ANK3: variants seen among roughly 807,000 people sequenced by gnomAD.
ANK3 encodes ankyrin-3.
In ANK3, 57 loss-of-function variants were observed where a neutral mutation model predicts 370.9. That is an observed-to-expected ratio of 0.15 (90% CI 0.12 to 0.19). The LOEUF is 0.19. Ranked by LOEUF, ANK3 falls within the 10% of genes least tolerant of loss-of-function variation. The pLI, the probability that ANK3 is intolerant of heterozygous loss-of-function variation, is 1.00. For synonymous variants in ANK3, 1,929 were observed against 1,946.3 expected (o/e 0.99, Z 0.23); for missense variants, 4,439 against 5,302.1 (o/e 0.84, Z 5.06).
Position 60,039,286 on chromosome 10 carries a change from C to G in ANK3, c.*19+3386G>C, listed in dbSNP as rs566085396. ...TTACACATGGCTGTGAGAACCTGAG[C>G]ATTTTCCTAGAGGAGGTTTAGAATA... On this transcript the variant is annotated intron_variant, in intron 43 of 43. Coordinates refer to ENST00000280772, the MANE Select transcript of ANK3 (RefSeq NM_020987.5). 5.4e-4 allele frequency among the ~76,000 whole-genome samples: 83 copies of G among 152,332 alleles called. 2 individuals carry two copies. The South Asian group carries it at 0.017, about 31-fold the overall frequency.
intron 2 of ANK3, among the ~76,000 whole-genome samples, chr10:60,411,735 G>A (rs2063564318): frequency 1.3e-5 from 2 of 152,166 alleles, no homozygotes; most frequent in Non-Finnish European, 2.9e-5. Context: ...AATAACCTTA[G>A]ATAAGTGACC....
intron 28 of ANK3, among the ~76,000 whole-genome samples, chr10:60,105,417 A>C (rs1051468106): frequency 1.3e-5 from 2 of 152,134 alleles, no homozygotes; most frequent in African/African-American, 4.8e-5. Context: ...AGACCCCAAT[A>C]ATTACCCTGA....
At chr10:60,237,836 A>T (rs2097357886) in intron 7 of ANK3, among the ~76,000 whole-genome samples, 1 of 152,194 alleles carries the variant, frequency 6.6e-6, no homozygotes, top group African/African-American at 2.4e-5. Context: ...TTACCCTCAC[A>T]GCAATCCACT....
chr10:60,282,936 A>G (rs1432510785), intron 1 of ANK3, among the ~76,000 whole-genome samples: 1 of 152,168 alleles, frequency 6.6e-6, no homozygotes, highest in Non-Finnish European at 1.5e-5. Context: ...CAGAAAAAGA[A>G]CCAATAAGTT....
rs2082329472 is a variant in ANK3 at position 60,069,679 on chromosome 10, C to T, written c.11202G>A (p.Lys3734=). Residue 3734 remains lysine (K), a synonymous_variant, in exon 37 of 44, where the codon AAG becomes AAA. Transcript: ENST00000280772. ...CTGTTATTTCTCCAGGGCCTTCTTT[C>T]TTCATGGTCATGGTGGATGCAGAAA... ...MGISASTMTM[K]KEGPGEITDK... 1.2e-6 allele frequency: 2 copies of T among 1,614,076 alleles called. No homozygotes were observed. Among genetic ancestry groups the T allele is most frequent in the Non-Finnish European group, 1.7e-6 (2 of 1,179,992 alleles).
chr10:60,679,817 T>G (rs1239437989), intron 1 of ANK3, among the ~76,000 whole-genome samples: 1 of 152,100 alleles, frequency 6.6e-6, no homozygotes, highest in Non-Finnish European at 1.5e-5. Flanking sequence ...CTAAAACTTT[T>G]AAATAAGCTT....
chr10:60,113,802 A>G (rs1354944606), intron 26 of ANK3, among the ~76,000 whole-genome samples: 1 of 152,258 alleles, frequency 6.6e-6, no homozygotes, highest in Non-Finnish European at 1.5e-5. Flanking sequence ...ATTAACAGGC[A>G]TACTTACATA....
intron 12 of ANK3, among the ~76,000 whole-genome samples, chr10:60,200,824 G>A (rs771949883): frequency 6.6e-6 from 1 of 152,154 alleles, no homozygotes; most frequent in Non-Finnish European, 1.5e-5. Context: ...GTCAACAGCC[G>A]GTTTGCATTT....
intron 2 of ANK3, among the ~76,000 whole-genome samples, chr10:60,429,281 T>G: frequency 6.6e-6 from 1 of 152,132 alleles, no homozygotes; most frequent in East Asian, 1.9e-4. Flanking sequence ...AAGCAGCCTA[T>G]CTTCCTTCCT....
intron 1 of ANK3, among the ~76,000 whole-genome samples, chr10:60,296,847 G>T (rs2042629617): frequency 6.6e-6 from 1 of 152,104 alleles, no homozygotes; most frequent in Non-Finnish European, 1.5e-5. Context: ...GGGTGTGGTG[G>T]TCTACACCTG....
chr10:60,492,875 G>A (rs2075555410), intron 2 of ANK3, among the ~76,000 whole-genome samples: 1 of 150,544 alleles, frequency 6.6e-6, no homozygotes, highest in South Asian at 2.1e-4. Flanking sequence ...AGGAGATCGA[G>A]ACCATCCTGG....
chr10:60,221,300 G>A (rs981029074), intron 8 of ANK3, among the ~76,000 whole-genome samples: 2 of 152,004 alleles, frequency 1.3e-5, no homozygotes, highest in Admixed American at 1.3e-4. Context: ...GGCTGGTCTC[G>A]ACTTCCTGAC....
At chr10:60,632,168 A>T (rs906698691) in intron 1 of ANK3, among the ~76,000 whole-genome samples, 9 of 98,590 alleles carry the variant, frequency 9.1e-5, no homozygotes, top group South Asian at 1.0e-3. Flanking sequence ...AAATAAACTT[A>T]AAAAATACCA....
chr10:60,423,349 A>G (rs1488836365), intron 2 of ANK3, among the ~76,000 whole-genome samples: 1 of 152,014 alleles, frequency 6.6e-6, no homozygotes, highest in African/African-American at 2.4e-5. Flanking sequence ...GCTGCCTCTG[A>G]GTCAAAAAGT....
chr10:60,081,708 T>C, intron 35 of ANK3: 1 of 289,502 alleles, frequency 3.5e-6, no homozygotes, highest in Non-Finnish European at 6.8e-6. Flanking sequence ...GATAGTAAAA[T>C]AGGCACATGA....
chr10:60,553,970 C>T (rs2077150454), intron 2 of ANK3, among the ~76,000 whole-genome samples: 3 of 152,124 alleles, frequency 2.0e-5, no homozygotes, highest in Non-Finnish European at 4.4e-5. Context: ...ATATTAGTTT[C>T]AATATATCAG....
intron 9 of ANK3, among the ~76,000 whole-genome samples, chr10:60,209,903 G>A (rs1291555504): frequency 6.6e-6 from 1 of 152,104 alleles, no homozygotes; most frequent in Non-Finnish European, 1.5e-5. Context: ...ATGATTGTGT[G>A]GATGGGAAAC....
intron 1 of ANK3, 84 bp downstream of exon 1, chr10:60,389,341 C>T (rs1223603153): frequency 1.5e-6 from 2 of 1,304,806 alleles, no homozygotes; most frequent in South Asian, 1.3e-5. Context: ...GTAAAAATAA[C>T]CCTTAATGCT....
intron 42 of ANK3, chr10:60,051,707 T>A: frequency 3.6e-6 from 1 of 277,542 alleles, no homozygotes; most frequent in Non-Finnish European, 5.4e-6. Flanking sequence ...AACCATGATG[T>A]ATATTTGTGA....
Sources: gnomAD v4.1 joint callset for allele counts (sites outside exome capture counted in the v4.1 genomes callset) on GRCh38, gnomAD v4.1.1 for gene constraint, MANE v1.5 for transcripts, NCBI Gene and HGNC (gene_info 2026-07-23, HGNC 2026-07-21) for gene names.